The following KHDRBS2 variants were observed in gnomAD, a reference collection of about 807,000 sequenced individuals.
KHDRBS2 encodes KH domain-containing, RNA-binding, signal transduction-associated protein 2.
In KHDRBS2, 26 loss-of-function variants were observed where a neutral mutation model predicts 44.3. The observed-to-expected ratio is 0.59, with a 90% CI of 0.43 to 0.81. The LOEUF (loss-of-function observed/expected upper bound fraction) is 0.81. KHDRBS2 is among the 40% of genes least tolerant of loss of function. The pLI is 0.00. For missense variants in KHDRBS2, 476 were observed against 433.1 expected, an observed-to-expected ratio of 1.10 and a Z score of -0.88; for synonymous variants, 194 against 151.1, an observed-to-expected ratio of 1.28 and a Z score of -2.08.
At chr6:62,072,835 T>A (rs1184823210) in intron 2 of KHDRBS2, among the ~76,000 whole-genome samples, 3 of 152,166 alleles carry the variant, frequency 2.0e-5, no homozygotes, top group Non-Finnish European at 4.4e-5. Context: ...GGCTTTGGTA[T>A]CAGGATGATG....
chr6:62,104,824 G>GATAAC lies in KHDRBS2; in HGVS notation c.220-56831_220-56830insGTTAT, dbSNP rs56677090. 3.8e-3 allele frequency among the ~76,000 whole-genome samples: 583 copies of GATAAC among 151,870 alleles called. 2 individuals carry two copies. The highest frequency in any genetic ancestry group is 0.014 in the African/African-American group (564 of 41,482). On this transcript the variant is annotated intron_variant, in intron 2 of 8. Transcript: ENST00000281156. ...AATAATAAGTTACAATAAATGAATA[G>GATAAC]ATAATAATAGAGTAAAATTAACACA...
chr6:61,768,323 C>T (rs1321091227), intron 6 of KHDRBS2, among the ~76,000 whole-genome samples: 1 of 152,062 alleles, frequency 6.6e-6, no homozygotes, highest in African/African-American at 2.4e-5. Flanking sequence ...TTTTAAGTGT[C>T]TTGAGATAGC....
At chr6:62,209,375 A>G (rs1198759313) in intron 1 of KHDRBS2, among the ~76,000 whole-genome samples, 1 of 152,180 alleles carries the variant, frequency 6.6e-6, no homozygotes, top group East Asian at 1.9e-4. Flanking sequence ...GTTAAAGGAA[A>G]TGAGCTTCAT....
At chr6:62,224,551 G>A (rs1831445274) in intron 1 of KHDRBS2, among the ~76,000 whole-genome samples, 1 of 152,144 alleles carries the variant, frequency 6.6e-6, no homozygotes, top group South Asian at 2.1e-4. Context: ...ACTGAGAAAT[G>A]TAATATCATT....
intron 2 of KHDRBS2, among the ~76,000 whole-genome samples, chr6:62,147,377 T>G (rs1008464090): frequency 1.3e-5 from 2 of 151,916 alleles, no homozygotes; most frequent in African/African-American, 2.4e-5. Flanking sequence ...GTTCTCCAAT[T>G]TTATAAATTA....
intron 2 of KHDRBS2, among the ~76,000 whole-genome samples, chr6:62,170,731 C>A (rs1234244467): frequency 6.6e-6 from 1 of 151,934 alleles, no homozygotes; most frequent in East Asian, 1.9e-4. Flanking sequence ...GGCCACAAAC[C>A]AGGATCACGT....
At chr6:62,013,503 T>TA (rs1780670291) in intron 3 of KHDRBS2, among the ~76,000 whole-genome samples, 1 of 152,080 alleles carries the variant, frequency 6.6e-6, no homozygotes. Context: ...TATTTGATTT[T>TA]AGCAAAATTT....
chr6:61,683,851 C>T lies in KHDRBS2; in HGVS notation c.953-2791G>A, dbSNP rs1372162012. On this transcript the variant is annotated intron_variant, in intron 8 of 8. Transcript: ENST00000281156. ...AGGAAAATGGAAATTATTGTTAGTT[C>T]ATGATACTTGTACGTGGAAAAGTAA... 4.6e-5 allele frequency among the ~76,000 whole-genome samples: 7 copies of T among 151,948 alleles called. No homozygotes were observed. The East Asian group carries it at 1.2e-3, about 25-fold the overall frequency.
At chr6:61,548,871 C>T in the KHDRBS2 span, among the ~76,000 whole-genome samples, 2 of 152,038 alleles carry the variant, frequency 1.3e-5, no homozygotes, top group Non-Finnish European at 2.9e-5. Context: ...TTGGCCACTA[C>T]CACTCAGGAG....
intron 6 of KHDRBS2, among the ~76,000 whole-genome samples, chr6:61,763,514 A>G (rs927850238): frequency 6.6e-6 from 1 of 152,182 alleles, no homozygotes; most frequent in African/African-American, 2.4e-5. Flanking sequence ...TGAATTTCCG[A>G]CCAAGTTCTA....
At chr6:61,864,158 C>G (rs368969699) in intron 6 of KHDRBS2, among the ~76,000 whole-genome samples, 80 of 152,048 alleles carry the variant, frequency 5.3e-4, no homozygotes, top group Admixed American at 2.0e-3. Flanking sequence ...TATTTTGAGA[C>G]TATGTGTTTC....
At chr6:61,914,187 T>C (rs1448876720) in intron 4 of KHDRBS2, among the ~76,000 whole-genome samples, 3 of 151,692 alleles carry the variant, frequency 2.0e-5, no homozygotes, top group South Asian at 2.1e-4. Context: ...CCATTATAAG[T>C]GGTGGAGAGA....
chr6:62,000,684 T>C (rs1399995209), intron 3 of KHDRBS2, among the ~76,000 whole-genome samples: 1 of 152,092 alleles, frequency 6.6e-6, no homozygotes, highest in Non-Finnish European at 1.5e-5. Flanking sequence ...CTGCAGAAAG[T>C]GGCACTTGGC....
rs376751937 is a variant in KHDRBS2, at chr6:62,144,000, A to G, written c.219+33185T>C. Among the ~76,000 whole-genome samples the G allele has an allele frequency of 4.7e-4, 72 of 152,046 alleles. 1 individual carries two copies. The highest frequency in any genetic ancestry group is 1.7e-3 in the African/African-American group (69 of 41,538). On this transcript the variant is annotated intron_variant, in intron 2 of 8. Transcript: ENST00000281156. ...AAAACAAAATATAAGCCCACTCTCT[A>G]TCTCATCTAAGCCAGTGATAAACTA...
At chr6:62,058,069 C>A (rs978342518) in intron 2 of KHDRBS2, among the ~76,000 whole-genome samples, 2 of 151,916 alleles carry the variant, frequency 1.3e-5, no homozygotes, top group African/African-American at 4.8e-5. Flanking sequence ...ATTAAAACAT[C>A]TTTTCTTTTT....
intron 1 of KHDRBS2, among the ~76,000 whole-genome samples, chr6:62,226,785 C>T (rs185028533): frequency 1.3e-5 from 2 of 152,194 alleles, no homozygotes; most frequent in Admixed American, 6.5e-5. Flanking sequence ...TAGGAGATCC[C>T]TTCCCCATTA....
chr6:61,560,006 T>A, the KHDRBS2 span, among the ~76,000 whole-genome samples: 2 of 152,336 alleles, frequency 1.3e-5, no homozygotes, highest in Non-Finnish European at 2.9e-5. Context: ...GTGGTATTAA[T>A]AAAATCCCTC....
intron 4 of KHDRBS2, among the ~76,000 whole-genome samples, chr6:61,929,976 C>T (rs994028942): frequency 2.0e-5 from 3 of 152,216 alleles, no homozygotes; most frequent in East Asian, 3.9e-4. Context: ...AACTCCATTG[C>T]CAATGTGATA....
At chr6:61,942,796 A>G (rs1369145152) in intron 4 of KHDRBS2, among the ~76,000 whole-genome samples, 1 of 152,132 alleles carries the variant, frequency 6.6e-6, no homozygotes, top group Non-Finnish European at 1.5e-5. Flanking sequence ...AAAGTGAAAA[A>G]CAAAGAGAGA....
Sources: gnomAD v4.1 joint callset for allele counts (sites outside exome capture counted in the v4.1 genomes callset) on GRCh38, gnomAD v4.1.1 for gene constraint, MANE v1.5 for transcripts, NCBI Gene and HGNC (gene_info 2026-07-23, HGNC 2026-07-21) for gene names.